GPC4: variants seen among roughly 807,000 people sequenced by gnomAD.
GPC4 encodes glypican-4.
Under a neutral mutation model 35.0 loss-of-function variants are expected in GPC4, and 10 were observed. The ratio of observed to expected loss-of-function variants is 0.29; its 90% CI spans 0.18 to 0.48. GPC4 has a LOEUF of 0.48. Ranked by LOEUF, GPC4 falls within the 20% of genes least tolerant of loss-of-function variation. The pLI is 0.99. For missense variants in GPC4, 322 were observed against 451.3 expected, an observed-to-expected ratio of 0.71 and a Z score of 2.60; for synonymous variants, 167 against 170.2, an observed-to-expected ratio of 0.98 and a Z score of 0.15.
intron 1 of GPC4, among the ~76,000 whole-genome samples, chrX:133,344,181 TTTCTTTC>T (rs1305521042): frequency 4.0e-5 from 4 of 99,851 alleles, no homozygotes; most frequent in Non-Finnish European, 6.1e-5. Flanking sequence ...ATTTTCTTTC[TTTCTTTC>T]TGGTTTTTTT....
chrX:133,347,248 GTTTTTTTTTTTTTT>G (rs763800349), intron 1 of GPC4, among the ~76,000 whole-genome samples: 4 of 25,426 alleles, frequency 1.6e-4, no homozygotes, highest in Non-Finnish European at 2.0e-4. Flanking sequence ...TCTATTAGAA[GTTTTTTTTTTTTTT>G]TTTTTTTTTT....
intron 4 of GPC4, among the ~76,000 whole-genome samples, chrX:133,309,152 A>G (rs1317778627): frequency 8.9e-6 from 1 of 111,948 alleles, no homozygotes; most frequent in African/African-American, 3.2e-5. Context: ...CTGGTCTTTT[A>G]TATCTGCTTA....
chrX:133,343,534 T>C (rs1419522183), intron 1 of GPC4, among the ~76,000 whole-genome samples: 1 of 111,827 alleles, frequency 8.9e-6, no homozygotes, highest in African/African-American at 3.3e-5. Flanking sequence ...TGCTTTATGG[T>C]TTTCCAAGGA....
intron 1 of GPC4, among the ~76,000 whole-genome samples, chrX:133,358,875 C>T (rs982315005): frequency 9.0e-6 from 1 of 110,939 alleles, no homozygotes; most frequent in Non-Finnish European, 1.9e-5. Context: ...TATCCTCTTA[C>T]ATTTGTGTGT....
intron 1 of GPC4, among the ~76,000 whole-genome samples, chrX:133,348,899 T>C (rs965853550): frequency 2.7e-5 from 3 of 112,414 alleles, no homozygotes; most frequent in African/African-American, 9.7e-5. Flanking sequence ...CCCCTAACTC[T>C]GAGGTTTTCT....
At chrX:133,305,491 C>T (rs1484754326) in intron 6 of GPC4, among the ~76,000 whole-genome samples, 1 of 111,979 alleles carries the variant, frequency 8.9e-6, no homozygotes, top group Non-Finnish European at 1.9e-5. Flanking sequence ...TTCTCTATGC[C>T]TAGCACAGTG....
intron 1 of GPC4, among the ~76,000 whole-genome samples, chrX:133,365,092 T>C (rs1424930660): frequency 8.9e-6 from 1 of 111,982 alleles, no homozygotes; most frequent in African/African-American, 3.2e-5. Context: ...CAGAGCATTT[T>C]CCCTGATTAC....
At chrX:133,356,530 C>T (rs769154011) in intron 1 of GPC4, among the ~76,000 whole-genome samples, 3 of 111,455 alleles carry the variant, frequency 2.7e-5, no homozygotes, top group Non-Finnish European at 5.6e-5. Flanking sequence ...CAGGTGTGAG[C>T]CACCACACCT....
At chrX:133,333,033 G>C (rs745510543) in intron 2 of GPC4, among the ~76,000 whole-genome samples, 1 of 112,194 alleles carries the variant, frequency 8.9e-6, no homozygotes, top group South Asian at 3.8e-4. Flanking sequence ...TAATTCTTTC[G>C]AGAGAGGGTG....
chrX:133,313,792 A>G (rs2050345039), intron 3 of GPC4, among the ~76,000 whole-genome samples: 1 of 112,467 alleles, frequency 8.9e-6, no homozygotes, highest in African/African-American at 3.2e-5. Flanking sequence ...ATTTGTGATG[A>G]AAAGATTTCC....
rs1486630554 is a variant in GPC4, at chrX:133,300,816, A to G, written c.*2051T>C. 8.9e-6 allele frequency: 1 copy of G among 111,890 alleles called. No individual in the cohort carries two copies. The highest frequency in any genetic ancestry group is 1.9e-5 in the Non-Finnish European group (1 of 53,208). 9.2% of individuals were successfully genotyped at this position (111,890 alleles called of 1,213,427 possible). A position where few individuals can be genotyped will look rare whatever the true frequency, so the allele number is the denominator to read the frequency against. On this transcript the variant is annotated 3_prime_UTR_variant, in exon 9 of 9. Coordinates refer to ENST00000370828, the MANE Select transcript of GPC4 (RefSeq NM_001448.3). ...TAACTCTCTGAGCCATATTTTGGAG[A>G]CCAGATTCATTTCTACCAAGTAAAA... is the stretch of plus-strand genomic sequence containing the variant.
At chrX:133,354,560 A>ATT (rs1174002540) in intron 1 of GPC4, among the ~76,000 whole-genome samples, 3 of 93,704 alleles carry the variant, frequency 3.2e-5, no homozygotes, top group African/African-American at 1.4e-4. Flanking sequence ...TTATTTATTT[A>ATT]TTTATTTATT....
chrX:133,355,045 A>G (rs1019362277), intron 1 of GPC4, among the ~76,000 whole-genome samples: 1 of 112,348 alleles, frequency 8.9e-6, no homozygotes, highest in Non-Finnish European at 1.9e-5. Flanking sequence ...GTCCAGCATT[A>G]TAAGACCTGA....
At chrX:133,346,694 T>C (rs1444916831) in intron 1 of GPC4, among the ~76,000 whole-genome samples, 1 of 112,136 alleles carries the variant, frequency 8.9e-6, no homozygotes, top group Non-Finnish European at 1.9e-5. Context: ...AAACAAAATG[T>C]GGTCTACTGT....
chrX:133,359,647 T>A lies in GPC4; in HGVS notation c.161-20306A>T, dbSNP rs190204438. Among the ~76,000 whole-genome samples, 8 of 111,357 alleles carry A rather than the reference T, an allele frequency of 7.2e-5. No homozygotes were observed. The East Asian group carries it at 2.0e-3, about 28-fold the overall frequency. The stretch of plus-strand genomic sequence containing the variant: ...ATGGTGGAGAGACTGAATGAATTCT[T>A]TGTCTTGTAAGGAGATGCGCATTTC... On this transcript the variant is annotated intron_variant, in intron 1 of 8. Coordinates refer to ENST00000370828, the MANE Select transcript of GPC4 (RefSeq NM_001448.3).
At chrX:133,414,391 A>G (rs1185039079) in intron 1 of GPC4, 1 of 487,953 alleles carries the variant, frequency 2.0e-6, no homozygotes, top group Non-Finnish European at 2.4e-6. Flanking sequence ...GCCTCTCCTC[A>G]CCCATACAAC....
chrX:133,369,242 T>C (rs1365008820), intron 1 of GPC4, among the ~76,000 whole-genome samples: 1 of 111,838 alleles, frequency 8.9e-6, no homozygotes, highest in Non-Finnish European at 1.9e-5. Flanking sequence ...AAAACTAGTA[T>C]ATCAGTTACA....
chrX:133,415,484 TTGAC>T lies in GPC4; in HGVS notation c.-523_-520del, dbSNP rs1438640489. On this transcript the variant is annotated 5_prime_UTR_variant, in exon 1 of 9. Transcript: ENST00000370828. ...GTGCCCTTCTCAGCTCTGCCGCTGATTGACTGGCCGGCGTGCGCGGCGACGCTCC... is the reference window on the plus strand; with the variant it reads ...GTGCCCTTCTCAGCTCTGCCGCTGATTGGCCGGCGTGCGCGGCGACGCTCC... 1 of 108,666 alleles carries T rather than the reference TTGAC, an allele frequency of 9.2e-6. No individual in the cohort carries two copies. The highest frequency in any genetic ancestry group is 3.0e-4 in the East Asian group (1 of 3,301). 9.0% of individuals were successfully genotyped at this position (108,666 alleles called of 1,213,427 possible). A position where few individuals can be genotyped will look rare whatever the true frequency, so the allele number is the denominator to read the frequency against.
At chrX:133,391,090 G>A (rs757235812) in intron 1 of GPC4, among the ~76,000 whole-genome samples, 27 of 112,226 alleles carry the variant, frequency 2.4e-4, no homozygotes, top group African/African-American at 6.8e-4. Context: ...GGAATTAAAA[G>A]CTATGTATAC....
Sources: allele counts gnomAD v4.1 joint callset (sites outside exome capture counted in the v4.1 genomes callset), GRCh38; gene constraint gnomAD v4.1.1; transcripts MANE v1.5; gene names NCBI Gene and HGNC (gene_info 2026-07-23, HGNC 2026-07-21).